Variants in WNT7A observed in about 807,000 individuals in gnomAD.
WNT7A encodes the protein Wnt family member 7A.
WNT7A carries 16 observed loss-of-function variants against 28.2 expected under a neutral mutation model. The observed-to-expected ratio is 0.57, with a 90% CI of 0.38 to 0.86. The LOEUF is 0.86. Among genes scored for constraint, WNT7A ranks in the 40% least tolerant of loss-of-function variants. WNT7A has a pLI of 0.00. For synonymous variants in WNT7A, 190 were observed against 195.9 expected (o/e 0.97, Z 0.25); for missense variants, 411 against 489.7 (o/e 0.84, Z 1.52).
At chr3:13,852,936 G>A (rs1284855151) in intron 3 of WNT7A, among the ~76,000 whole-genome samples, 6 of 152,138 alleles carry the variant, frequency 3.9e-5, no homozygotes, top group Non-Finnish European at 1.5e-5. Flanking sequence ...AGAGAGCACT[G>A]GGCAGGCAGG....
intron 2 of WNT7A, among the ~76,000 whole-genome samples, chr3:13,857,835 C>A (rs1207611158): frequency 6.6e-6 from 1 of 152,164 alleles, no homozygotes; most frequent in Non-Finnish European, 1.5e-5. Context: ...AGCTGTGTGA[C>A]CTTGGGTGAG....
rs532422718 is a variant in WNT7A at position 13,854,687 on chromosome 3, C to T, written c.415G>A (p.Gly139Ser). The part of the protein sequence containing the change: ...SDCGCDKEKQ[G>S]QYHRDEGWKW... ...CAGCCCTCGTCCCGGTGGTACTGGCCTTGCTTCTCTTTGTCGCAGCCACAG... is the reference window on the plus strand; with the variant it reads ...CAGCCCTCGTCCCGGTGGTACTGGCTTTGCTTCTCTTTGTCGCAGCCACAG... Residue 139 changes from glycine to serine, a missense_variant, in exon 3 of 4, where the codon GGC (glycine) becomes AGC (serine). Physicochemically the swap from Gly to Ser is moderately conservative, Grantham distance 56 (BLOSUM62 0). Transcript: ENST00000285018. 43 of 1,614,180 alleles carry T rather than the reference C, an allele frequency of 2.7e-5. 1 individual carries two copies. In the South Asian group the frequency reaches 4.3e-4, roughly 16 times the overall value.
At chr3:13,848,566 A>T (rs1302264763) in intron 3 of WNT7A, among the ~76,000 whole-genome samples, 2 of 152,252 alleles carry the variant, frequency 1.3e-5, no homozygotes, top group Non-Finnish European at 2.9e-5. Context: ...AAAAAATTTT[A>T]AAAACAGTGA....
At chr3:13,856,783 A>C (rs955188842) in intron 2 of WNT7A, among the ~76,000 whole-genome samples, 4 of 151,798 alleles carry the variant, frequency 2.6e-5, no homozygotes, top group Non-Finnish European at 4.4e-5. Context: ...GTGCCACTGC[A>C]CTCCATCCTG....
intron 2 of WNT7A, among the ~76,000 whole-genome samples, chr3:13,857,510 C>G (rs557158723): frequency 2.0e-5 from 3 of 152,222 alleles, no homozygotes; most frequent in African/African-American, 7.2e-5. Flanking sequence ...TTGGAGGAAG[C>G]CAGAATCTCC....
intron 3 of WNT7A, among the ~76,000 whole-genome samples, chr3:13,840,631 C>CCAT (rs1195122964): frequency 3.2e-5 from 4 of 124,140 alleles, no homozygotes; most frequent in African/African-American, 1.5e-4. Flanking sequence ...CATCCATCCA[C>CCAT]CCATTCAGCC....
chr3:13,848,981 G>C (rs1413921080), intron 3 of WNT7A, among the ~76,000 whole-genome samples: 1 of 152,220 alleles, frequency 6.6e-6, no homozygotes, highest in East Asian at 1.9e-4. Flanking sequence ...TGAATGAAAA[G>C]AAGCTCGTCT....
intron 3 of WNT7A, among the ~76,000 whole-genome samples, chr3:13,827,712 C>T (rs957532665): frequency 5.3e-5 from 8 of 152,070 alleles, no homozygotes; most frequent in African/African-American, 1.9e-4. Context: ...ACATGGTGCT[C>T]CTATGACTGG....
chr3:13,821,895 G>T (rs1694115678), intron 3 of WNT7A, among the ~76,000 whole-genome samples: 1 of 152,202 alleles, frequency 6.6e-6, no homozygotes, highest in Non-Finnish European at 1.5e-5. Flanking sequence ...ATTCTTTTAA[G>T]TGAACAGGGA....
At chr3:13,863,956 T>C (rs1391751341) in intron 2 of WNT7A, 3 of 152,018 alleles carry the variant, frequency 2.0e-5, no homozygotes, top group Admixed American at 6.5e-5. Flanking sequence ...TGGTGACAAA[T>C]TCTACAGAGG....
chr3:13,846,789 A>C (rs1189376981), intron 3 of WNT7A, among the ~76,000 whole-genome samples: 1 of 152,002 alleles, frequency 6.6e-6, no homozygotes, highest in South Asian at 2.1e-4. Context: ...GGATGGTGAC[A>C]CCTTCCTGAG....
At chr3:13,866,630 G>T (rs1165907569) in intron 2 of WNT7A, among the ~76,000 whole-genome samples, 1 of 152,182 alleles carries the variant, frequency 6.6e-6, no homozygotes, top group Non-Finnish European at 1.5e-5. Flanking sequence ...CAGAGGGAGC[G>T]AGCCAAGCTG....
At position 13,820,256 on chromosome 3, in the gene WNT7A, C is replaced by T. The variant is rs555132440; in HGVS notation, c.571-833G>A. On this transcript the variant is annotated intron_variant, in intron 3 of 3. Coordinates refer to ENST00000285018, the MANE Select transcript of WNT7A (RefSeq NM_004625.4). ...CTCCTTCATTCAGACTGTCAAATTG[C>T]TTTTGCTTGTTATATCATGAAAGAA... is the stretch of plus-strand genomic sequence containing the variant. Among the ~76,000 whole-genome samples the T allele has an allele frequency of 2.4e-4, 37 of 152,296 alleles. 1 individual carries two copies. The South Asian group carries it at 7.0e-3, about 29-fold the overall frequency.
intron 2 of WNT7A, among the ~76,000 whole-genome samples, chr3:13,856,906 AAG>A (rs1480793182): frequency 2.8e-5 from 2 of 71,158 alleles, no homozygotes; most frequent in Admixed American, 3.0e-4. Context: ...GAAGAAGAAG[AAG>A]AAGAAGAAGA....
intron 3 of WNT7A, among the ~76,000 whole-genome samples, chr3:13,851,275 C>G (rs2124854957): frequency 1.3e-5 from 2 of 152,338 alleles, no homozygotes; most frequent in East Asian, 3.9e-4. Flanking sequence ...AAGTCCCACT[C>G]CTTGTTCTGG....
intron 2 of WNT7A, among the ~76,000 whole-genome samples, chr3:13,857,630 T>C (rs1200212203): frequency 6.6e-6 from 1 of 152,008 alleles, no homozygotes; most frequent in Non-Finnish European, 1.5e-5. Context: ...CCCGGTCCAG[T>C]GATTCCCCGA....
At chr3:13,869,787 C>A (rs932607786) in intron 2 of WNT7A, among the ~76,000 whole-genome samples, 1 of 152,116 alleles carries the variant, frequency 6.6e-6, no homozygotes, top group South Asian at 2.1e-4. Context: ...AGACACCCCC[C>A]GCCCAAGGTA....
At chr3:13,856,963 A>AAGAAGG (rs1311845910) in intron 2 of WNT7A, among the ~76,000 whole-genome samples, 9 of 115,306 alleles carry the variant, frequency 7.8e-5, no homozygotes, top group South Asian at 2.8e-4. Context: ...GAAGAAGAAG[A>AAGAAGG]AGAAGGAGAA....
At chr3:13,857,723 A>C (rs1256770310) in intron 2 of WNT7A, among the ~76,000 whole-genome samples, 1 of 151,854 alleles carries the variant, frequency 6.6e-6, no homozygotes, top group African/African-American at 2.4e-5. Flanking sequence ...AGAAAACCAA[A>C]CCCTCAGGGA....
Sources: allele counts gnomAD v4.1 joint callset (sites outside exome capture counted in the v4.1 genomes callset), GRCh38; gene constraint gnomAD v4.1.1; transcripts MANE v1.5; gene names NCBI Gene and HGNC (gene_info 2026-07-23, HGNC 2026-07-21).